The following GATB variants were observed in gnomAD, a reference collection of about 807,000 sequenced individuals.
The protein encoded by GATB is glutamyl-tRNA amidotransferase subunit B, also known as glutamyl-tRNA(Gln) amidotransferase subunit B, mitochondrial.
GATB carries 39 observed loss-of-function variants against 62.3 expected under a neutral mutation model. That is an observed-to-expected ratio of 0.63 (90% confidence interval 0.48 to 0.82). GATB has a LOEUF of 0.82. Ranked by LOEUF, GATB falls within the 40% of genes least tolerant of loss-of-function variation. GATB has a pLI of 0.00. For synonymous variants in GATB, 276 were observed against 258.9 expected (o/e 1.07, Z -0.63); for missense variants, 670 against 684.0 (o/e 0.98, Z 0.23).
At chr4:151,692,737 C>G (rs536897676) in intron 9 of GATB, among the ~76,000 whole-genome samples, 3 of 152,238 alleles carry the variant, frequency 2.0e-5, no homozygotes, top group Non-Finnish European at 4.4e-5. Flanking sequence ...CCTGCGAGCA[C>G]ACCCAGACCT....
chr4:151,744,969 G>A (rs1226907901), intron 2 of GATB, among the ~76,000 whole-genome samples: 1 of 152,166 alleles, frequency 6.6e-6, no homozygotes, highest in East Asian at 1.9e-4. Context: ...GGTGACAAGG[G>A]TCACTATACA....
At chr4:151,759,784 GTATATACATATATATA>G (rs748825480) in intron 1 of GATB, among the ~76,000 whole-genome samples, 5 of 151,390 alleles carry the variant, frequency 3.3e-5, no homozygotes, top group Non-Finnish European at 7.4e-5. Context: ...GTAATTTTGT[GTATATACATATATATA>G]TATATACATA....
chr4:151,720,000 G>A (rs981606189), intron 2 of GATB: 3 of 153,014 alleles, frequency 2.0e-5, no homozygotes, highest in African/African-American at 7.2e-5. Context: ...AAACGACAGG[G>A]CCGTAGCCAT....
chr4:151,702,582 CT>C (rs1218482896), intron 8 of GATB, among the ~76,000 whole-genome samples: 1 of 152,172 alleles, frequency 6.6e-6, no homozygotes, highest in Non-Finnish European at 1.5e-5. Flanking sequence ...ACAGGAGACT[CT>C]GGGGGGAGAG....
intron 2 of GATB, among the ~76,000 whole-genome samples, chr4:151,740,745 G>A (rs1184927926): frequency 3.3e-5 from 5 of 152,082 alleles, no homozygotes; most frequent in East Asian, 3.9e-4. Context: ...CAGGCCTGCC[G>A]TAATTTGTTA....
At chr4:151,715,218 C>G (rs1738890634) in intron 5 of GATB, among the ~76,000 whole-genome samples, 1 of 152,208 alleles carries the variant, frequency 6.6e-6, no homozygotes. Flanking sequence ...AGATTCAGAA[C>G]CTATATTTTG....
chr4:151,697,995 G>GTGTAT (rs1738523187), intron 9 of GATB, among the ~76,000 whole-genome samples: 1 of 78,910 alleles, frequency 1.3e-5, no homozygotes, highest in African/African-American at 6.5e-5. Flanking sequence ...ATATATATAT[G>GTGTAT]AAATGAAGGC....
intron 2 of GATB, among the ~76,000 whole-genome samples, chr4:151,753,526 A>C (rs1739762705): frequency 6.6e-6 from 1 of 152,078 alleles, no homozygotes; most frequent in Admixed American, 6.5e-5. Context: ...TCACATTTGC[A>C]TTCTTTCACT....
chr4:151,709,502 G>A (rs1284199663), intron 5 of GATB, among the ~76,000 whole-genome samples: 1 of 152,108 alleles, frequency 6.6e-6, no homozygotes, highest in African/African-American at 2.4e-5. Flanking sequence ...GACACCGTGA[G>A]ACTCTCGGTC....
chr4:151,727,855 T>C (rs1372748261), intron 2 of GATB, among the ~76,000 whole-genome samples: 1 of 152,198 alleles, frequency 6.6e-6, no homozygotes, highest in Non-Finnish European at 1.5e-5. Context: ...AAATGCAAAG[T>C]GCCTATCTCA....
At chr4:151,672,169 T>C (rs1262968547) in intron 12 of GATB, among the ~76,000 whole-genome samples, 1 of 152,150 alleles carries the variant, frequency 6.6e-6, no homozygotes, top group Non-Finnish European at 1.5e-5. Context: ...CTAGACAATA[T>C]GATTAGACTT....
intron 9 of GATB, 99 bp from the exon 10 acceptor site, chr4:151,688,862 G>C (rs1738307408): frequency 8.5e-7 from 1 of 1,177,026 alleles, no homozygotes. Flanking sequence ...TGCCTCCTCT[G>C]AGACAGCCAC....
Position 151,719,471 on chromosome 4 carries a change from T to C in GATB, c.395A>G (p.Lys132Arg). 6.2e-7 allele frequency: 1 copy of C among 1,612,302 alleles called. No homozygotes were observed. Among genetic ancestry groups the C allele is most frequent in the Non-Finnish European group, 8.5e-7 (1 of 1,179,228 alleles). The change falls in exon 3 of 13, where the codon AAG (lysine) becomes AGG (arginine). Residue 132 changes from lysine (K) to arginine (R), a missense_variant. Transcript: ENST00000263985. Reference sequence around the variant, plus strand: ...GTGCTTCCTGTCAAACAAGGACTTCTTGTTTATGTGGCAGTTCAGAGCCAG... The same window carrying C: ...GTGCTTCCTGTCAAACAAGGACTTCCTGTTTATGTGGCAGTTCAGAGCCAG... ...TGLALNCHIN[K>R]KSLFDRKHYF...
intron 9 of GATB, among the ~76,000 whole-genome samples, chr4:151,693,017 C>A (rs1317800608): frequency 6.6e-6 from 1 of 152,148 alleles, no homozygotes; most frequent in Non-Finnish European, 1.5e-5. Context: ...GTCCCCTTTG[C>A]GGCGGGGGTG....
At chr4:151,757,767 G>A (rs868076614) in intron 2 of GATB, among the ~76,000 whole-genome samples, 7 of 151,912 alleles carry the variant, frequency 4.6e-5, no homozygotes, top group Admixed American at 2.6e-4. Context: ...GTGAGCCACC[G>A]CGCCCGGCCT....
At chr4:151,700,686 T>G (rs1196939943) in intron 9 of GATB, among the ~76,000 whole-genome samples, 1 of 152,174 alleles carries the variant, frequency 6.6e-6, no homozygotes, top group African/African-American at 2.4e-5. Flanking sequence ...CTACCCTCAC[T>G]GATGCCGCAT....
chr4:151,710,051 C>A (rs898224637), intron 5 of GATB, among the ~76,000 whole-genome samples: 1 of 152,148 alleles, frequency 6.6e-6, no homozygotes, highest in African/African-American at 2.4e-5. Flanking sequence ...AGTGTTACCG[C>A]CTCCTCCTAG....
chr4:151,676,414 G>GCAT (rs1461380374), intron 11 of GATB: 5 of 152,248 alleles, frequency 3.3e-5, no homozygotes, highest in Non-Finnish European at 5.9e-5. Flanking sequence ...TGGATCATCT[G>GCAT]CATCTGTTTC....
intron 2 of GATB, among the ~76,000 whole-genome samples, chr4:151,734,995 GA>G (rs1434688868): frequency 1.3e-5 from 2 of 152,054 alleles, no homozygotes; most frequent in Admixed American, 1.3e-4. Flanking sequence ...GATAACATTT[GA>G]AAAACCCTTC....
Sources: gnomAD v4.1 joint callset for allele counts (sites outside exome capture counted in the v4.1 genomes callset) on GRCh38, gnomAD v4.1.1 for gene constraint, MANE v1.5 for transcripts, NCBI Gene and HGNC (gene_info 2026-07-23, HGNC 2026-07-21) for gene names.